DNAH9: variants seen among roughly 807,000 people sequenced by gnomAD.
DNAH9 encodes the protein dynein axonemal heavy chain 9, also known as DNAH9 variant protein.
DNAH9 carries 345 observed loss-of-function variants against 471.6 expected under a neutral mutation model. The observed-to-expected ratio is 0.73, with a 90% CI of 0.67 to 0.80. The LOEUF (loss-of-function observed/expected upper bound fraction) is 0.80. Among genes scored for constraint, DNAH9 ranks in the 30% least tolerant of loss-of-function variants. The pLI is 0.00. For missense variants in DNAH9, 5,407 were observed against 5,609.2 expected, an observed-to-expected ratio of 0.96 and a Z score of 1.15; for synonymous variants, 2,093 against 2,123.6, an observed-to-expected ratio of 0.99 and a Z score of 0.40.
intron 29 of DNAH9, among the ~76,000 whole-genome samples, chr17:11,739,647 AGCGAC>A (rs2075403190): frequency 6.6e-6 from 1 of 152,224 alleles, no homozygotes; most frequent in Non-Finnish European, 1.5e-5. Context: ...CACTCCTCGT[AGCGAC>A]GCATGAGAGC....
chr17:11,858,792 A>G (rs1031981997), intron 50 of DNAH9, among the ~76,000 whole-genome samples: 12 of 152,122 alleles, frequency 7.9e-5, no homozygotes, highest in African/African-American at 2.9e-4. Context: ...GGTTTTTGCC[A>G]TTACTTTAAT....
chr17:11,768,595 A>G lies in DNAH9; in HGVS notation c.7313A>G (p.Gln2438Arg). The change falls in exon 37 of 69, where the codon CAG becomes CGG. Residue 2438 changes from glutamine to arginine, a missense_variant. Gln to Arg is a conservative substitution (Grantham distance 43). Around this residue, in one of 3 missense-constraint regions of DNAH9, gnomAD observed 4,636 missense variants for 4,900.3 expected, o/e 0.95. Transcript: ENST00000262442. Reference protein sequence around the residue: ...KFEPWSKLVPQFEFDPEMPLQ... With the variant: ...KFEPWSKLVPRFEFDPEMPLQ... ...GAGCCTTGGTCCAAGCTCGTCCCCCAGTTCGAATTTGACCCCGAGATGCCC... is the reference window on the plus strand; with the variant it reads ...GAGCCTTGGTCCAAGCTCGTCCCCCGGTTCGAATTTGACCCCGAGATGCCC... 3 of 1,614,032 alleles carry G rather than the reference A, an allele frequency of 1.9e-6. No individual in the cohort carries two copies. Among genetic ancestry groups the G allele is most frequent in the East Asian group, 2.2e-5 (1 of 44,866 alleles).
intron 27 of DNAH9, among the ~76,000 whole-genome samples, chr17:11,722,417 G>A (rs2075075285): frequency 6.6e-6 from 1 of 152,184 alleles, no homozygotes; most frequent in South Asian, 2.1e-4. Context: ...AATAGGTTTT[G>A]GTGAGAGCAT....
chr17:11,616,044 C>T (rs934812382), intron 4 of DNAH9, among the ~76,000 whole-genome samples: 1 of 152,188 alleles, frequency 6.6e-6, no homozygotes, highest in South Asian at 2.1e-4. Context: ...TACAAACATA[C>T]ATATCAACAT....
At chr17:11,896,431 T>G (rs961155886) in intron 59 of DNAH9, among the ~76,000 whole-genome samples, 2 of 152,138 alleles carry the variant, frequency 1.3e-5, no homozygotes, top group Non-Finnish European at 2.9e-5. Flanking sequence ...AAACAGATGG[T>G]GGGCCAGATT....
chr17:11,625,248 A>G (rs923165644), intron 6 of DNAH9, among the ~76,000 whole-genome samples: 2 of 152,182 alleles, frequency 1.3e-5, no homozygotes, highest in Non-Finnish European at 2.9e-5. Context: ...GCTGTGATTC[A>G]TTTGGAGACA....
At chr17:11,731,928 C>T (rs57744131) in intron 28 of DNAH9, among the ~76,000 whole-genome samples, 189 of 152,128 alleles carry the variant, frequency 1.2e-3, no homozygotes, top group South Asian at 5.6e-3. Context: ...AATGGGATGG[C>T]GGGTCAAATG....
chr17:11,600,385 A>G (rs1208057429), intron 1 of DNAH9, among the ~76,000 whole-genome samples: 1 of 152,220 alleles, frequency 6.6e-6, no homozygotes, highest in African/African-American at 2.4e-5. Flanking sequence ...GAGCAGACTG[A>G]TCAAAGGTTC....
At chr17:11,694,055 A>C in intron 21 of DNAH9, 57 bp downstream of exon 21, 1 of 1,591,822 alleles carries the variant, frequency 6.3e-7, no homozygotes, top group Non-Finnish European at 8.6e-7. Context: ...CCTTTTCCCC[A>C]TCGTCTCTGA....
At chr17:11,832,835 T>A (rs934651724) in intron 48 of DNAH9, among the ~76,000 whole-genome samples, 3 of 152,202 alleles carry the variant, frequency 2.0e-5, no homozygotes, top group African/African-American at 4.8e-5. Context: ...CATTCTGGAA[T>A]GTAAAGTTTA....
intron 14 of DNAH9, among the ~76,000 whole-genome samples, chr17:11,658,571 G>C (rs948238005): frequency 4.0e-5 from 6 of 151,832 alleles, no homozygotes; most frequent in Non-Finnish European, 7.4e-5. Context: ...AGAAATGCTC[G>C]CCTCATTTCC....
chr17:11,713,492 T>C lies in DNAH9; in HGVS notation c.5553-5842T>C, dbSNP rs1166469153. Among the ~76,000 whole-genome samples, 5 of 152,178 alleles carry C rather than the reference T, an allele frequency of 3.3e-5. No homozygotes were observed. In the East Asian group the frequency reaches 9.6e-4, roughly 29 times the overall value. On this transcript the variant is annotated intron_variant, in intron 26 of 68. Transcript: ENST00000262442. The stretch of plus-strand genomic sequence containing the variant: ...GGAATCATCATACTGCTTTCCACAA[T>C]GTTTGAGCTAATTTACACTCCCACC...
chr17:11,778,288 C>CCACTGCAT (rs2150890500), intron 38 of DNAH9, among the ~76,000 whole-genome samples: 1 of 126,326 alleles, frequency 7.9e-6, no homozygotes, highest in Middle Eastern at 5.3e-3. Flanking sequence ...CAAAACAGTG[C>CCACTGCAT]CACTGCATTC....
chr17:11,916,207 T>C (rs1249225591), intron 61 of DNAH9, among the ~76,000 whole-genome samples: 1 of 152,214 alleles, frequency 6.6e-6, no homozygotes, highest in Non-Finnish European at 1.5e-5. Context: ...TCTTAGCCAA[T>C]TGACCTCCAA....
At chr17:11,859,471 C>T (rs1971759913) in intron 50 of DNAH9, among the ~76,000 whole-genome samples, 1 of 151,446 alleles carries the variant, frequency 6.6e-6, no homozygotes, top group African/African-American at 2.4e-5. Flanking sequence ...TTAATGTAAC[C>T]TTTATTTCCT....
At chr17:11,609,560 T>G (rs2072585516) in intron 2 of DNAH9, among the ~76,000 whole-genome samples, 1 of 152,226 alleles carries the variant, frequency 6.6e-6, no homozygotes, top group African/African-American at 2.4e-5. Context: ...TCAGCAAATA[T>G]AAATTTAATT....
intron 59 of DNAH9, among the ~76,000 whole-genome samples, chr17:11,898,139 T>TG (rs1973279394): frequency 6.6e-6 from 1 of 151,556 alleles, no homozygotes; most frequent in African/African-American, 2.4e-5. Context: ...TTTCTTTTTT[T>TG]TTTTGAGGCG....
intron 32 of DNAH9, among the ~76,000 whole-genome samples, chr17:11,751,422 C>G (rs1967146240): frequency 6.6e-6 from 1 of 151,934 alleles, no homozygotes; most frequent in Admixed American, 6.6e-5. Flanking sequence ...CAAGTAAAAG[C>G]TATTCCAGGA....
chr17:11,617,339 C>T (rs919845151), intron 4 of DNAH9, 72 bp from the exon 5 acceptor site: 18 of 1,076,558 alleles, frequency 1.7e-5, no homozygotes, highest in East Asian at 5.0e-5. Flanking sequence ...TTTTACTTCC[C>T]AGGGACTAGG....
Sources: allele counts gnomAD v4.1 joint callset (sites outside exome capture counted in the v4.1 genomes callset), GRCh38; gene constraint gnomAD v4.1.1; regional missense constraint gnomAD v4.1.1; transcripts MANE v1.5; gene names NCBI Gene and HGNC (gene_info 2026-07-23, HGNC 2026-07-21).